The following DPF1 variants were observed in gnomAD, a reference collection of about 807,000 sequenced individuals.
DPF1 encodes zinc finger protein neuro-d4.
DPF1 carries 14 observed loss-of-function variants against 58.7 expected under a neutral mutation model. The observed-to-expected ratio is 0.24, with a 90% CI of 0.16 to 0.37. The LOEUF is 0.37. Ranked by LOEUF, DPF1 falls within the 10% of genes least tolerant of loss-of-function variation. The pLI is 1.00. For synonymous variants in DPF1, 216 were observed against 216.0 expected, an observed-to-expected ratio of 1.00 and a Z score of 0.00; for missense variants, 345 against 529.9, an observed-to-expected ratio of 0.65 and a Z score of 3.43.
intron 3 of DPF1, 110 bp from the exon 4 acceptor site, chr19:38,219,168 G>A (rs1600262233): frequency 1.3e-6 from 2 of 1,490,878 alleles, no homozygotes; most frequent in East Asian, 4.5e-5. Context: ...AGGCTGCAGA[G>A]GCAAGGATTT....
chr19:38,226,538 A>ACACACACC (rs1181984493), upstream of DPF1, among the ~76,000 whole-genome samples: 25 of 144,846 alleles, frequency 1.7e-4, no homozygotes, highest in East Asian at 8.1e-4. Flanking sequence ...ACACACACAC[A>ACACACACC]CTCCTCTAGT....
intron 1 of DPF1, chr19:38,223,053 C>G (rs1379534032): frequency 3.2e-6 from 1 of 312,804 alleles, no homozygotes; most frequent in Admixed American, 5.0e-5. Context: ...GAGACAAATC[C>G]CAATACTCAC....
chr19:38,216,415 G>A lies in DPF1; in HGVS notation c.728-12C>T. ...TTCTTTGTAAAACTCTGGGGTAGGG[G>A]GGACAGAGAGAGGGACTCTCACCAC... On this transcript the variant is annotated splice_polypyrimidine_tract_variant and intron_variant, in intron 7 of 11. Transcript: ENST00000355526. 6.4e-7 allele frequency: 1 copy of A among 1,573,002 alleles called. No homozygotes were observed.
At position 38,229,461 on chromosome 19, in the gene DPF1, C is replaced by G; in HGVS notation, c.-132+98G>C. The G allele has an allele frequency of 1.4e-6, 1 of 694,770 alleles. No homozygotes were observed. The allele number at this position is 694,770 out of a possible 1,614,324, so 43.0% of individuals were successfully genotyped here. ...CTGGGGGCCCCCATTCAACTACGGTCCGCGCGCTGCGTCCCCCTCCTCAGC... is the reference window on the plus strand; with the variant it reads ...CTGGGGGCCCCCATTCAACTACGGTGCGCGCGCTGCGTCCCCCTCCTCAGC... On this transcript the variant is annotated intron_variant, in intron 1 of 11. Coordinates refer to the DPF1 transcript ENST00000412732. The surrounding 1 kb of genome is among the most constrained non-coding windows in gnomAD (Gnocchi z 5.3).
chr19:38,213,961 A>C, intron 9 of DPF1: 1 of 558,010 alleles, frequency 1.8e-6, no homozygotes, highest in Non-Finnish European at 3.2e-6. Context: ...TACCACAACC[A>C]CCATGGCAAC....
chr19:38,225,198 C>T (rs1426204369), upstream of DPF1, among the ~76,000 whole-genome samples: 2 of 152,080 alleles, frequency 1.3e-5, no homozygotes, highest in Non-Finnish European at 1.5e-5. Context: ...GAGCTGAGAT[C>T]GTGCCATTGC....
At chr19:38,227,277 T>G (rs975912388), upstream of DPF1, among the ~76,000 whole-genome samples, 1 of 152,022 alleles carries the variant, frequency 6.6e-6, no homozygotes, top group Non-Finnish European at 1.5e-5. Flanking sequence ...AGGGTGTCCC[T>G]GTGTTGGCCA....
chr19:38,226,801 C>T (rs1471642223), upstream of DPF1, among the ~76,000 whole-genome samples: 1 of 151,964 alleles, frequency 6.6e-6, no homozygotes, highest in Non-Finnish European at 1.5e-5. Context: ...GGTCCCGTAA[C>T]ACACCCTCTT....
intron 6 of DPF1, 51 bp from the exon 7 acceptor site, chr19:38,217,642 C>G (rs1311819144): frequency 7.9e-6 from 12 of 1,527,302 alleles, no homozygotes; most frequent in Non-Finnish European, 1.1e-5. Flanking sequence ...GGGCCCCTGC[C>G]GCCTCCACCC....
At chr19:38,224,234 C>A, upstream of DPF1, 1 of 1,280,688 alleles carries the variant, frequency 7.8e-7, no homozygotes, top group Non-Finnish European at 9.9e-7. This position sits in a 1 kb window ranked among gnomAD's most constrained non-coding sequence, Gnocchi z 4.5. Flanking sequence ...CCATTCATTC[C>A]CGGGGGGCGG....
intron 4 of DPF1, 106 bp from the exon 5 acceptor site, chr19:38,218,768 A>C: frequency 6.5e-7 from 1 of 1,534,118 alleles, no homozygotes; most frequent in Non-Finnish European, 9.0e-7. Flanking sequence ...ATAAGTCAGG[A>C]GTTCTTCCAA....
chr19:38,222,716 G>C lies in DPF1; in HGVS notation c.30-8C>G, dbSNP rs1967589941. ...TAGAAGTCCTCGCCTAGGCTAGAGG[G>C]GCGGCGAACGGGCGGGCGGCTGTCA... On this transcript the variant is annotated splice_region_variant and splice_polypyrimidine_tract_variant and intron_variant, in intron 1 of 11. Coordinates refer to ENST00000355526, the MANE Select transcript of DPF1 (RefSeq NM_001135155.3). The surrounding 1 kb of genome is among the most constrained non-coding windows in gnomAD (Gnocchi z 4.9). 1.3e-6 allele frequency: 2 copies of C among 1,578,660 alleles called. No individual in the cohort carries two copies. Among genetic ancestry groups the C allele is most frequent in the African/African-American group, 2.8e-5 (2 of 72,530 alleles).
chr19:38,222,726 G>T lies in DPF1; in HGVS notation c.30-18C>A. 1 of 1,567,232 alleles carries T rather than the reference G, an allele frequency of 6.4e-7. No individual in the cohort carries two copies. The highest frequency in any genetic ancestry group is 8.6e-7 in the Non-Finnish European group (1 of 1,156,248). ...CGCCTAGGCTAGAGGGGCGGCGAACGGGCGGGCGGCTGTCAGCAAGGGCAG... is the reference window on the plus strand; with the variant it reads ...CGCCTAGGCTAGAGGGGCGGCGAACTGGCGGGCGGCTGTCAGCAAGGGCAG... On this transcript the variant is annotated intron_variant, in intron 1 of 11. Coordinates refer to ENST00000355526, the MANE Select transcript of DPF1 (RefSeq NM_001135155.3). This position sits in a 1 kb window ranked among gnomAD's most constrained non-coding sequence, Gnocchi z 4.9.
In DPF1 at chr19:38,222,940, G is replaced by A. The variant is rs991399783; in HGVS notation, c.30-232C>T. The A allele has an allele frequency of 1.3e-5, 7 of 533,938 alleles. No individual in the cohort carries two copies. The highest frequency in any genetic ancestry group is 3.2e-6 in the Non-Finnish European group (1 of 312,076). The allele number at this position is 533,938 out of a possible 1,614,324, so 33.1% of individuals were successfully genotyped here. Reference sequence around the variant, plus strand: ...GCCCCCAGCTCATGAGTAGAAACACGATACAGAAACAAACAAAAACACACC... The same window carrying A: ...GCCCCCAGCTCATGAGTAGAAACACAATACAGAAACAAACAAAAACACACC... On this transcript the variant is annotated intron_variant, in intron 1 of 11. Transcript: ENST00000355526. This position sits in a 1 kb window ranked among gnomAD's most constrained non-coding sequence, Gnocchi z 4.9.
chr19:38,224,664 A>C (rs1466554610), upstream of DPF1, among the ~76,000 whole-genome samples: 1 of 150,048 alleles, frequency 6.7e-6, no homozygotes. The surrounding 1 kb of genome is among the most constrained non-coding windows in gnomAD (Gnocchi z 4.5). Flanking sequence ...CCCCCCACCC[A>C]AGTCCCTCCT....
upstream of DPF1, among the ~76,000 whole-genome samples, chr19:38,227,009 CCTTCCTTCCTTCCTTCCTTCCTTCCTTT>C (rs149246192): frequency 6.2e-4 from 57 of 91,922 alleles, 1 homozygote; most frequent in African/African-American, 7.8e-4. Flanking sequence ...TTCCTTCCTT[CCTTCCTTCCTTCCTTCCTTCCTTCCTTT>C]CTTTCTTTCT....
At chr19:38,217,250 GA>G in intron 7 of DPF1, 1 of 646,320 alleles carries the variant, frequency 1.5e-6, no homozygotes, top group Admixed American at 3.1e-5. Context: ...ATCAGACCCA[GA>G]AATATTACGC....
chr19:38,218,613 T>C lies in DPF1; in HGVS notation c.476A>G (p.Glu159Gly). ...FPHDLEVEDLEDDIPRRKNRA... is the reference protein window; with the variant it reads ...FPHDLEVEDLGDDIPRRKNRA... ...GTTCTTCCTCCTGGGAATGTCATCCTCCAAGTCTTCCACCTCGAGGTCATG... is the reference window on the plus strand; with the variant it reads ...GTTCTTCCTCCTGGGAATGTCATCCCCCAAGTCTTCCACCTCGAGGTCATG... Residue 159 changes from glutamate to glycine, a missense_variant, in exon 5 of 12, where the codon GAG (glutamate) becomes GGG (glycine). Glu to Gly is a moderately conservative substitution (Grantham distance 98). Coordinates refer to ENST00000355526, the MANE Select transcript of DPF1 (RefSeq NM_001135155.3). 6.2e-7 allele frequency: 1 copy of C among 1,614,200 alleles called. No homozygotes were observed.
chr19:38,224,065 G>A lies in DPF1; in HGVS notation c.29+49C>T, dbSNP rs527619788. On this transcript the variant is annotated intron_variant, in intron 1 of 11. Transcript: ENST00000355526. The surrounding 1 kb of genome is among the most constrained non-coding windows in gnomAD (Gnocchi z 4.5). ...CCGGTCGCCACACACACACAGGCCC[G>A]CGTAGACCCGCCCGCGCTTCCTCTC... 4.0e-6 allele frequency: 6 copies of A among 1,487,184 alleles called. No homozygotes were observed. The highest frequency in any genetic ancestry group is 2.8e-5 in the South Asian group (2 of 71,620). 92.1% of individuals were successfully genotyped at this position (1,487,184 alleles called of 1,614,324 possible). A position where few individuals can be genotyped will look rare whatever the true frequency, so the allele number is the denominator to read the frequency against.
Sources: allele counts gnomAD v4.1 joint callset (sites outside exome capture counted in the v4.1 genomes callset), GRCh38; gene constraint gnomAD v4.1.1; non-coding constraint Gnocchi (gnomAD v3.1); transcripts MANE v1.5; gene names NCBI Gene and HGNC (gene_info 2026-07-23, HGNC 2026-07-21).